DLEU7: variants seen among roughly 807,000 people sequenced by gnomAD.
The protein encoded by DLEU7 is leukemia-associated protein 7.
DLEU7 carries 17 observed loss-of-function variants against 16.0 expected under a neutral mutation model. That is an observed-to-expected ratio of 1.06 (90% CI 0.73 to 1.59). DLEU7 has a LOEUF of 1.59. DLEU7 is among the 40% of genes most tolerant of loss of function. The pLI is 0.00. For synonymous variants in DLEU7, 113 were observed against 139.8 expected (o/e 0.81, Z 1.35); for missense variants, 308 against 314.9 (o/e 0.98, Z 0.17).
In DLEU7 at chr13:50,724,889, G is replaced by T. The variant is rs141179820; in HGVS notation, c.460-11649C>A. Among the ~76,000 whole-genome samples the T allele has an allele frequency of 4.3e-3, 657 of 152,116 alleles. 4 individuals carry two copies. The highest frequency in any genetic ancestry group is 7.0e-3 in the Non-Finnish European group (474 of 68,004). On this transcript the variant is annotated intron_variant, in intron 1 of 1. Coordinates refer to the DLEU7 transcript ENST00000400393. Reference sequence around the variant, plus strand: ...TCCCATGCCAGCGATTAAATGTTTCGGTCTAAAAGTGACAGACATCATTTC... The same window carrying T: ...TCCCATGCCAGCGATTAAATGTTTCTGTCTAAAAGTGACAGACATCATTTC...
intron 1 of DLEU7, among the ~76,000 whole-genome samples, chr13:50,799,245 A>T (rs189404043): frequency 1.3e-5 from 2 of 152,320 alleles, no homozygotes; most frequent in Non-Finnish European, 2.9e-5. Flanking sequence ...TAACACAGAG[A>T]TAATCACAAT....
chr13:50,774,080 G>A (rs1165117855), intron 1 of DLEU7, among the ~76,000 whole-genome samples: 2 of 152,156 alleles, frequency 1.3e-5, no homozygotes, highest in Admixed American at 6.5e-5. Flanking sequence ...AGCCAGGCGC[G>A]GGGTGTAATT....
At chr13:50,727,230 TGTGA>T (rs1175547268) in intron 1 of DLEU7, among the ~76,000 whole-genome samples, 2 of 151,900 alleles carry the variant, frequency 1.3e-5, no homozygotes, top group South Asian at 2.1e-4. Flanking sequence ...TGTGTGTGTG[TGTGA>T]GTGTGTGTGA....
At chr13:50,712,621 C>G (rs1300407941) in exon 2 of DLEU7, 2 of 152,636 alleles carry the variant, frequency 1.3e-5, no homozygotes, top group Non-Finnish European at 2.9e-5. Context: ...CAAATGGAAG[C>G]TGAACTCGCA....
At chr13:50,774,954 C>T (rs1274838471) in intron 1 of DLEU7, among the ~76,000 whole-genome samples, 1 of 152,024 alleles carries the variant, frequency 6.6e-6, no homozygotes, top group Non-Finnish European at 1.5e-5. Context: ...TTACGATTTA[C>T]ATATCATTTC....
chr13:50,749,486 A>C (rs1483016700), intron 1 of DLEU7, among the ~76,000 whole-genome samples: 1 of 152,084 alleles, frequency 6.6e-6, no homozygotes, highest in Admixed American at 6.6e-5. Context: ...TGGAAGTTCT[A>C]CTTTTACTTC....
intron 1 of DLEU7, among the ~76,000 whole-genome samples, chr13:50,767,554 C>A (rs190779136): frequency 2.1e-4 from 32 of 151,782 alleles, no homozygotes; most frequent in Admixed American, 6.5e-4. Context: ...TTCATGGGAC[C>A]ATGGTTCAAG....
chr13:50,807,017 CTTT>C (rs1043068353), intron 1 of DLEU7, among the ~76,000 whole-genome samples: 2 of 148,372 alleles, frequency 1.3e-5, no homozygotes, highest in Non-Finnish European at 3.0e-5. Context: ...GCTCCTCTGC[CTTT>C]TTTTTTCCTA....
At chr13:50,789,795 C>A (rs1036935060) in intron 1 of DLEU7, among the ~76,000 whole-genome samples, 1 of 152,146 alleles carries the variant, frequency 6.6e-6, no homozygotes, top group African/African-American at 2.4e-5. Flanking sequence ...TGAATTACTG[C>A]CCACTTCAAA....
intron 1 of DLEU7, among the ~76,000 whole-genome samples, chr13:50,782,285 C>T (rs1013830559): frequency 8.5e-5 from 13 of 152,136 alleles, no homozygotes; most frequent in African/African-American, 3.1e-4. Context: ...AAGCCATTTC[C>T]AATAAATGGC....
Position 50,736,871 on chromosome 13 carries a change from GAGA to G in DLEU7, c.460-23634_460-23632del, listed in dbSNP as rs1484357766. Among the ~76,000 whole-genome samples, 5 of 151,982 alleles carry G rather than the reference GAGA, an allele frequency of 3.3e-5. No individual in the cohort carries two copies. The South Asian group carries it at 8.3e-4, about 25-fold the overall frequency. ...CAGATCCTACAAATATTAAATGGAT[GAGA>G]AGAAGTAGATACCAAAAATTTAGCA... On this transcript the variant is annotated intron_variant, in intron 1 of 1. Coordinates refer to the DLEU7 transcript ENST00000400393.
chr13:50,754,549 A>T (rs1874693477), intron 1 of DLEU7, among the ~76,000 whole-genome samples: 1 of 152,052 alleles, frequency 6.6e-6, no homozygotes, highest in South Asian at 2.1e-4. Context: ...CCTTTACTTT[A>T]AGTTTATGTG....
At chr13:50,814,060 T>C (rs77441553) in intron 1 of DLEU7, among the ~76,000 whole-genome samples, 1,918 of 152,298 alleles carry the variant, frequency 0.013, 45 homozygotes, top group African/African-American at 0.044. Context: ...GATGAAGATT[T>C]TGATAATAGT....
intron 1 of DLEU7, among the ~76,000 whole-genome samples, chr13:50,740,932 A>G (rs1874233496): frequency 6.6e-6 from 1 of 152,078 alleles, no homozygotes. Context: ...GAACTCATAG[A>G]AACACTTGGA....
At chr13:50,793,681 C>T (rs985061336) in intron 1 of DLEU7, among the ~76,000 whole-genome samples, 3 of 152,150 alleles carry the variant, frequency 2.0e-5, no homozygotes, top group Admixed American at 2.0e-4. Flanking sequence ...GTGCTTTGCC[C>T]ACTTTTTAAT....
At position 50,747,332 on chromosome 13, in the gene DLEU7, C is replaced by CTGTGTGTGTGTG. The variant is rs3039979; in HGVS notation, c.460-34104_460-34093dup. ...ATATTTTAAAAAGAAAAGAAAAACT[C>CTGTGTGTGTGTG]TGTGTGTGTGTGTGTGTGTGTGTGT... On this transcript the variant is annotated intron_variant, in intron 1 of 1. Transcript: ENST00000400393. Among the ~76,000 whole-genome samples the CTGTGTGTGTGTG allele has an allele frequency of 2.1e-3, 287 of 137,796 alleles. 1 individual carries two copies. Among genetic ancestry groups the CTGTGTGTGTGTG allele is most frequent in the East Asian group, 0.01 (47 of 4,670 alleles). The allele number at this position is 137,796 out of a possible 152,430, so 90.4% of individuals were successfully genotyped here. A position where few individuals can be genotyped will look rare whatever the true frequency, so the allele number is the denominator to read the frequency against.
chr13:50,745,760 G>T (rs1028841699), intron 1 of DLEU7, among the ~76,000 whole-genome samples: 3 of 152,046 alleles, frequency 2.0e-5, no homozygotes, highest in Non-Finnish European at 4.4e-5. Context: ...TTTGGGATGG[G>T]TATTTATGCC....
intron 1 of DLEU7, among the ~76,000 whole-genome samples, chr13:50,808,955 G>T (rs1566258084): frequency 1.3e-5 from 2 of 151,960 alleles, no homozygotes; most frequent in African/African-American, 4.8e-5. Flanking sequence ...ATGGTGTCCT[G>T]GGGTACATTT....
intron 1 of DLEU7, among the ~76,000 whole-genome samples, chr13:50,833,366 C>T (rs1268190364): frequency 1.3e-5 from 2 of 151,614 alleles, no homozygotes; most frequent in South Asian, 2.1e-4. Flanking sequence ...GATACAAAAT[C>T]AATGTGCAAA....
Sources: allele counts gnomAD v4.1 joint callset (sites outside exome capture counted in the v4.1 genomes callset), GRCh38; gene constraint gnomAD v4.1.1; transcripts MANE v1.5; gene names NCBI Gene and HGNC (gene_info 2026-07-23, HGNC 2026-07-21).